TBC1D31: variants seen among roughly 807,000 people sequenced by gnomAD.
TBC1D31 encodes TBC1 domain family member 31.
Under a neutral mutation model 132.9 loss-of-function variants are expected in TBC1D31, and 99 were observed. That is an observed-to-expected ratio of 0.74 (90% confidence interval 0.63 to 0.88). The LOEUF is 0.88. Among genes scored for constraint, TBC1D31 ranks in the 40% least tolerant of loss-of-function variants. The probability of loss-of-function intolerance (pLI) is 0.00; values close to 1 mark genes in which losing one functional copy is unlikely to be tolerated. For synonymous variants in TBC1D31, 385 were observed against 419.4 expected (o/e 0.92, Z 1.00); for missense variants, 1,134 against 1,256.6 (o/e 0.90, Z 1.48).
chr8:123,157,504 C>T, the TBC1D31 span, among the ~76,000 whole-genome samples: 2 of 152,080 alleles, frequency 1.3e-5, no homozygotes, highest in African/African-American at 4.8e-5. Context: ...AGCGACGACA[C>T]GGAGAAGGGG....
In TBC1D31 at chr8:123,120,050, C is replaced by T. The variant is rs1685747051; in HGVS notation, c.1437-5C>T. The T allele has an allele frequency of 6.4e-7, 1 of 1,572,936 alleles. No homozygotes were observed. Among genetic ancestry groups the T allele is most frequent in the East Asian group, 2.3e-5 (1 of 44,392 alleles). On this transcript the variant is annotated splice_region_variant and splice_polypyrimidine_tract_variant and intron_variant, in intron 10 of 21. Coordinates refer to ENST00000287380, the MANE Select transcript of TBC1D31 (RefSeq NM_145647.4). ...AATTTTAATGCTAAGTTATTTTATT[C>T]ACAGAACCTTATCTGCATTAGCTCA...
rs762627377 is a variant in TBC1D31, at chr8:123,144,614, A to G, written c.2836-103A>G. On this transcript the variant is annotated intron_variant, in intron 19 of 21. Transcript: ENST00000287380. ...AACAGATCCTACTTGCCATGGGAAT[A>G]TAAAGGAAAGTGGATAGAGAAGACA... is the stretch of plus-strand genomic sequence containing the variant. 5.1e-4 allele frequency: 577 copies of G among 1,136,564 alleles called. No individual in the cohort carries two copies. The Middle Eastern group carries it at 5.3e-3, about 10-fold the overall frequency. 70.4% of individuals were successfully genotyped at this position (1,136,564 alleles called of 1,614,324 possible). A position where few individuals can be genotyped will look rare whatever the true frequency, so the allele number is the denominator to read the frequency against.
intron 6 of TBC1D31, among the ~76,000 whole-genome samples, chr8:123,098,794 C>T (rs1169904744): frequency 6.6e-6 from 1 of 152,184 alleles, no homozygotes; most frequent in Non-Finnish European, 1.5e-5. Context: ...GATAAAATCC[C>T]AGAGTTGAAA....
chr8:123,094,806 G>A (rs1028426729), intron 5 of TBC1D31, among the ~76,000 whole-genome samples: 2 of 152,140 alleles, frequency 1.3e-5, no homozygotes, highest in African/African-American at 4.8e-5. Flanking sequence ...CTCCCAAAGT[G>A]CTGGGATTAC....
chr8:123,109,434 C>G, intron 9 of TBC1D31, 38 bp downstream of exon 9: 3 of 1,605,616 alleles, frequency 1.9e-6, no homozygotes, highest in Non-Finnish European at 2.6e-6. Flanking sequence ...CAGTTTTACT[C>G]AAAAAAAATT....
At chr8:123,108,110 A>G (rs1031844142) in intron 8 of TBC1D31, among the ~76,000 whole-genome samples, 1 of 152,118 alleles carries the variant, frequency 6.6e-6, no homozygotes, top group Admixed American at 6.6e-5. Flanking sequence ...CTTCTCTTAC[A>G]TTGGACTACC....
At chr8:123,146,578 A>C (rs1316497396) in intron 20 of TBC1D31, among the ~76,000 whole-genome samples, 1 of 152,130 alleles carries the variant, frequency 6.6e-6, no homozygotes, top group African/African-American at 2.4e-5. Flanking sequence ...GTCGATGGAC[A>C]TCTGGATTCT....
At chr8:123,092,575 G>A (rs1033616248) in intron 4 of TBC1D31, among the ~76,000 whole-genome samples, 4 of 152,020 alleles carry the variant, frequency 2.6e-5, no homozygotes, top group African/African-American at 7.2e-5. Context: ...ACACTGCCAC[G>A]GGGAGTAATA....
intron 8 of TBC1D31, 66 bp from the exon 9 acceptor site, chr8:123,109,251 T>C (rs1351772675): frequency 8.4e-7 from 1 of 1,183,912 alleles, no homozygotes; most frequent in Non-Finnish European, 1.2e-6. Context: ...GTGGACTAGA[T>C]TACCTTTGTC....
In TBC1D31 at chr8:123,127,261, AT is replaced by A. The variant is rs35198781; in HGVS notation, c.1884+600del. Among the ~76,000 whole-genome samples, 618 of 69,888 alleles carry A rather than the reference AT, an allele frequency of 8.8e-3. 2 individuals are homozygous for A. The highest frequency in any genetic ancestry group is 0.024 in the African/African-American group (400 of 16,342). 45.8% of individuals were successfully genotyped at this position (69,888 alleles called of 152,430 possible). The stretch of plus-strand genomic sequence containing the variant: ...TAATATTGGGGTTTGTGCTTTTTGC[AT>A]TTTTTTTTTTTTTTTTTTTTTTTTT... On this transcript the variant is annotated intron_variant, in intron 13 of 21. Coordinates refer to ENST00000287380, the MANE Select transcript of TBC1D31 (RefSeq NM_145647.4).
chr8:123,116,217 G>A (rs117515476), intron 10 of TBC1D31, among the ~76,000 whole-genome samples: 1,562 of 152,230 alleles, frequency 0.01, 8 homozygotes, highest in Non-Finnish European at 0.016. Context: ...AAATGACATG[G>A]AATAACTAGC....
rs571145180 is a variant in TBC1D31 at position 123,135,151 on chromosome 8, C to T, written c.2499+945C>T. Among the ~76,000 whole-genome samples, 6 of 152,306 alleles carry T rather than the reference C, an allele frequency of 3.9e-5. No homozygotes were observed. The South Asian group carries it at 1.2e-3, about 32-fold the overall frequency. ...CTGGGCTCAAGCAATCTGCACACCT[C>T]GGCCTCCCGAAGTGCTAGGATTACA... On this transcript the variant is annotated intron_variant, in intron 17 of 21. Transcript: ENST00000287380.
chr8:123,078,260 G>T (rs1157239300), intron 2 of TBC1D31, among the ~76,000 whole-genome samples: 1 of 152,018 alleles, frequency 6.6e-6, no homozygotes, highest in Non-Finnish European at 1.5e-5. Flanking sequence ...TAATACAGGG[G>T]GCTTTGATCA....
Position 123,100,878 on chromosome 8 carries a change from G to A in TBC1D31, c.903G>A (p.Glu301=). ...TGCAGACTTGTAAACTTCTCTTTGA[G>A]ATTGGGAGCCTCGATGAAGGAATTA... ...INMQTCKLLF[E]IGSLDEGISS... is the part of the protein sequence containing the mutation. The change falls in exon 7 of 22, where the codon GAG becomes GAA. Residue 301 remains glutamate (E), a synonymous_variant. Coordinates refer to ENST00000287380, the MANE Select transcript of TBC1D31 (RefSeq NM_145647.4). The A allele has an allele frequency of 6.2e-7, 1 of 1,613,924 alleles. No individual in the cohort carries two copies. The highest frequency in any genetic ancestry group is 2.2e-5 in the East Asian group (1 of 44,848).
rs1052060593 is a variant in TBC1D31 at position 123,120,282 on chromosome 8, A to G, written c.1570+94A>G. On this transcript the variant is annotated intron_variant, in intron 11 of 21. Coordinates refer to ENST00000287380, the MANE Select transcript of TBC1D31 (RefSeq NM_145647.4). ...CCTTTGCAACATTTAACAATTCTAGATGTCTCTACTTTTAAGTCACGAAAG... is the reference window on the plus strand; with the variant it reads ...CCTTTGCAACATTTAACAATTCTAGGTGTCTCTACTTTTAAGTCACGAAAG... 14 of 1,019,190 alleles carry G rather than the reference A, an allele frequency of 1.4e-5. No individual in the cohort carries two copies. In the African/African-American group the frequency reaches 1.9e-4, roughly 14 times the overall value. 63.1% of individuals were successfully genotyped at this position (1,019,190 alleles called of 1,614,324 possible). A position where few individuals can be genotyped will look rare whatever the true frequency, so the allele number is the denominator to read the frequency against.
chr8:123,126,724 A>G, intron 13 of TBC1D31, 37 bp downstream of exon 13: 1 of 1,529,126 alleles, frequency 6.5e-7, no homozygotes, highest in Non-Finnish European at 8.8e-7. Flanking sequence ...GTTCTCAAAT[A>G]TCAGTTATTT....
chr8:123,095,955 C>T (rs1816796213), intron 5 of TBC1D31, among the ~76,000 whole-genome samples: 1 of 152,120 alleles, frequency 6.6e-6, no homozygotes, highest in Non-Finnish European at 1.5e-5. Flanking sequence ...CAGTAAATAC[C>T]ATCAACTCAA....
rs1814608877 is a variant in TBC1D31 at position 123,077,119 on chromosome 8, T to G, written c.86T>G (p.Val29Gly). 6.2e-7 allele frequency: 1 copy of G among 1,600,080 alleles called. No homozygotes were observed. The highest frequency in any genetic ancestry group is 1.4e-5 in the African/African-American group (1 of 73,824). Residue 29 changes from valine (V) to glycine (G), a missense_variant, in exon 2 of 22, where the codon GTG (valine) becomes GGG (glycine). Coordinates refer to ENST00000287380, the MANE Select transcript of TBC1D31 (RefSeq NM_145647.4). ...GTTTTTTTCTTTGACAGAATTATAG[T>G]GAACATTATTCACAACACTTCCGAT... ...PSPATRDGII[V>G]NIIHNTSDYH... is the part of the protein sequence containing the mutation.
chr8:123,100,770 C>T (rs750278618), intron 6 of TBC1D31, 37 bp from the exon 7 acceptor site: 5 of 1,521,620 alleles, frequency 3.3e-6, no homozygotes, highest in Non-Finnish European at 4.6e-6. Context: ...CATTGACTAT[C>T]ACATGTTTTT....
Sources: gnomAD v4.1 joint callset for allele counts (sites outside exome capture counted in the v4.1 genomes callset) on GRCh38, gnomAD v4.1.1 for gene constraint, MANE v1.5 for transcripts, NCBI Gene and HGNC (gene_info 2026-07-23, HGNC 2026-07-21) for gene names.